The following TRIM44 variants were observed in gnomAD, a reference collection of about 807,000 sequenced individuals.
The protein encoded by TRIM44 is tripartite motif-containing protein 44.
In TRIM44, 13 loss-of-function variants were observed where a neutral mutation model predicts 37.4. The ratio of observed to expected loss-of-function variants is 0.35; its 90% CI spans 0.23 to 0.55. The LOEUF is 0.55. Among genes scored for constraint, TRIM44 ranks in the 20% least tolerant of loss-of-function variants. TRIM44 has a pLI of 0.89. For missense variants in TRIM44, 426 were observed against 437.2 expected, an observed-to-expected ratio of 0.97 and a Z score of 0.23; for synonymous variants, 175 against 157.2, an observed-to-expected ratio of 1.11 and a Z score of -0.85.
chr11:35,707,736 T>C (rs1463983663), intron 2 of TRIM44, among the ~76,000 whole-genome samples: 2 of 146,542 alleles, frequency 1.4e-5, no homozygotes, highest in Non-Finnish European at 3.0e-5. Context: ...CTGGATCCCT[T>C]CCTTACACCT....
intron 4 of TRIM44, among the ~76,000 whole-genome samples, chr11:35,750,172 A>G (rs1412436691): frequency 6.6e-6 from 1 of 152,228 alleles, no homozygotes; most frequent in Non-Finnish European, 1.5e-5. Flanking sequence ...TCAAGTGTCT[A>G]CTATGTGCTA....
At position 35,817,772 on chromosome 11, in the gene TRIM44, A is replaced by G. The variant is rs2133891955; in HGVS notation, c.*11387A>G. ...GGGGGAGTTTTCTCATGATTTAACA[A>G]CATCCGCCCTTTGTTGTCATGATAG... On this transcript the variant is annotated 3_prime_UTR_variant, in exon 5 of 5. Coordinates refer to ENST00000299413, the MANE Select transcript of TRIM44 (RefSeq NM_017583.6). 6.6e-6 allele frequency: 1 copy of G among 152,260 alleles called. No homozygotes were observed. The highest frequency in any genetic ancestry group is 1.5e-5 in the Non-Finnish European group (1 of 68,018). The allele number at this position is 152,260 out of a possible 1,614,324, so 9.4% of individuals were successfully genotyped here. A position where few individuals can be genotyped will look rare whatever the true frequency, so the allele number is the denominator to read the frequency against.
chr11:35,774,747 T>C (rs1267489086), intron 4 of TRIM44, among the ~76,000 whole-genome samples: 1 of 152,236 alleles, frequency 6.6e-6, no homozygotes, highest in Non-Finnish European at 1.5e-5. Flanking sequence ...TTGCTTGTTT[T>C]TGTCAGGGTT....
intron 2 of TRIM44, among the ~76,000 whole-genome samples, chr11:35,705,543 A>G (rs937007301): frequency 2.6e-5 from 4 of 152,176 alleles, no homozygotes; most frequent in Non-Finnish European, 4.4e-5. Flanking sequence ...GTAAAAGATC[A>G]GAAATTATAG....
intron 4 of TRIM44, among the ~76,000 whole-genome samples, chr11:35,797,778 A>T (rs954091862): frequency 2.0e-5 from 3 of 152,196 alleles, no homozygotes; most frequent in African/African-American, 7.2e-5. Flanking sequence ...AGAGGAGCCT[A>T]TGGAAACTTA....
chr11:35,674,024 T>G (rs1851431828), intron 1 of TRIM44, among the ~76,000 whole-genome samples: 1 of 152,008 alleles, frequency 6.6e-6, no homozygotes. Context: ...GTTTTAATAT[T>G]CAGAACCAGG....
At chr11:35,710,189 A>G (rs1220677878) in intron 2 of TRIM44, among the ~76,000 whole-genome samples, 1 of 152,194 alleles carries the variant, frequency 6.6e-6, no homozygotes, top group Non-Finnish European at 1.5e-5. Flanking sequence ...TTCATCCACA[A>G]GGACTCAAAT....
chr11:35,730,375 C>T (rs1421378204), intron 3 of TRIM44, among the ~76,000 whole-genome samples: 1 of 152,138 alleles, frequency 6.6e-6, no homozygotes, highest in Non-Finnish European at 1.5e-5. Flanking sequence ...AGATACATGT[C>T]ACCAGTGTCA....
chr11:35,701,785 T>C (rs918152120), intron 2 of TRIM44, among the ~76,000 whole-genome samples: 1 of 152,202 alleles, frequency 6.6e-6, no homozygotes, highest in Non-Finnish European at 1.5e-5. Flanking sequence ...AATTCTTTTT[T>C]TGTATTAACC....
intron 4 of TRIM44, among the ~76,000 whole-genome samples, chr11:35,746,446 C>CTTTTTTTTTTT (rs5791065): frequency 9.7e-5 from 9 of 93,194 alleles, no homozygotes; most frequent in East Asian, 3.3e-4. Context: ...GGGGGTCCTT[C>CTTTTTTTTTTT]TTTTTTTTTT....
intron 4 of TRIM44, among the ~76,000 whole-genome samples, chr11:35,752,939 G>A (rs1852576958): frequency 6.6e-6 from 1 of 152,172 alleles, no homozygotes; most frequent in Admixed American, 6.5e-5. Context: ...TTTTCCGCTA[G>A]AACATAAATG....
intron 4 of TRIM44, among the ~76,000 whole-genome samples, chr11:35,783,332 C>G (rs527886151): frequency 6.6e-6 from 1 of 152,178 alleles, no homozygotes; most frequent in Non-Finnish European, 1.5e-5. Context: ...GTAGATCCAG[C>G]GAATGTACCA....
chr11:35,682,691 GTC>G (rs1229068386), intron 1 of TRIM44, among the ~76,000 whole-genome samples: 2 of 152,144 alleles, frequency 1.3e-5, no homozygotes, highest in Non-Finnish European at 2.9e-5. Flanking sequence ...CCTCTCCTCT[GTC>G]TCTTCCCTGG....
chr11:35,756,021 G>A (rs1187874525), intron 4 of TRIM44, among the ~76,000 whole-genome samples: 1 of 152,050 alleles, frequency 6.6e-6, no homozygotes, highest in Non-Finnish European at 1.5e-5. Flanking sequence ...CTTTAAAGTA[G>A]TTTTTTCCAA....
At position 35,662,941 on chromosome 11, in the gene TRIM44, G is replaced by T. The variant is rs1028280122; in HGVS notation, c.-171G>T. 28 of 1,170,046 alleles carry T rather than the reference G, an allele frequency of 2.4e-5. No homozygotes were observed. The highest frequency in any genetic ancestry group is 7.8e-6 in the Non-Finnish European group (7 of 894,420). The allele number at this position is 1,170,046 out of a possible 1,614,324, so 72.5% of individuals were successfully genotyped here. On this transcript the variant is annotated 5_prime_UTR_variant, in exon 1 of 5. Coordinates refer to ENST00000299413, the MANE Select transcript of TRIM44 (RefSeq NM_017583.6). The stretch of plus-strand genomic sequence containing the variant: ...CGGCGGAAAGGGTCTTTGCTGCTGC[G>T]CCCGGGCAGGGGCTGCCGCGGCCCC...
chr11:35,712,667 C>T (rs1419893151), intron 2 of TRIM44, among the ~76,000 whole-genome samples: 2 of 152,260 alleles, frequency 1.3e-5, no homozygotes, highest in Middle Eastern at 3.4e-3. Flanking sequence ...CCTCTCTGCA[C>T]TGACAGGAGA....
intron 4 of TRIM44, among the ~76,000 whole-genome samples, chr11:35,789,556 A>G (rs1361699465): frequency 6.6e-6 from 1 of 152,230 alleles, no homozygotes; most frequent in Non-Finnish European, 1.5e-5. Context: ...GTACTCAGTT[A>G]ATAAGTAGAA....
chr11:35,663,924 C>A, intron 1 of TRIM44, 144 bp downstream of exon 1: 1 of 950,616 alleles, frequency 1.1e-6, no homozygotes, highest in Non-Finnish European at 1.5e-6. Flanking sequence ...TTCTTATTCA[C>A]CGTTTTTGGT....
rs958219078 is a variant in TRIM44, at chr11:35,817,927, C to T, written c.*11542C>T. ...TGATTGTAAGTTTCCTGAAGCCTCC[C>T]TAGAAGCTGAGCAGATGCCAGCATC... On this transcript the variant is annotated 3_prime_UTR_variant, in exon 5 of 5. Coordinates refer to ENST00000299413, the MANE Select transcript of TRIM44 (RefSeq NM_017583.6). The T allele has an allele frequency of 6.6e-6, 1 of 152,136 alleles. No individual in the cohort carries two copies. The highest frequency in any genetic ancestry group is 2.4e-5 in the African/African-American group (1 of 41,408). The allele number at this position is 152,136 out of a possible 1,614,324, so 9.4% of individuals were successfully genotyped here.
Sources: allele counts gnomAD v4.1 joint callset (sites outside exome capture counted in the v4.1 genomes callset), GRCh38; gene constraint gnomAD v4.1.1; transcripts MANE v1.5; gene names NCBI Gene and HGNC (gene_info 2026-07-23, HGNC 2026-07-21).